ZNF503: variants seen among roughly 807,000 people sequenced by gnomAD.
ZNF503 encodes the protein zinc finger protein 503.
In ZNF503, 15 loss-of-function variants were observed where a neutral mutation model predicts 34.4. The ratio of observed to expected loss-of-function variants is 0.44; its 90% CI spans 0.29 to 0.67. The LOEUF (loss-of-function observed/expected upper bound fraction) is 0.67. Ranked by LOEUF, ZNF503 falls within the 30% of genes least tolerant of loss-of-function variation. ZNF503 has a pLI of 0.13. For synonymous variants in ZNF503, 580 were observed against 456.8 expected (o/e 1.27, Z -3.44); for missense variants, 1,007 against 926.8 (o/e 1.09, Z -1.12).
chr10:75,370,792 A>AC, the ZNF503 span, among the ~76,000 whole-genome samples: 1 of 33,840 alleles, frequency 3.0e-5, no homozygotes, highest in East Asian at 6.6e-4. Flanking sequence ...AAAAAAAAAA[A>AC]AAAAAAAAAA....
chr10:75,284,953 A>T, the ZNF503 span, among the ~76,000 whole-genome samples: 1 of 152,178 alleles, frequency 6.6e-6, no homozygotes. Flanking sequence ...CCTAACAGAT[A>T]AGTCAGGCAT....
the ZNF503 span, among the ~76,000 whole-genome samples, chr10:75,300,659 G>C: frequency 1.3e-5 from 2 of 150,894 alleles, no homozygotes; most frequent in Non-Finnish European, 2.9e-5. Flanking sequence ...TCCGTTCGGG[G>C]TCCCTGACTT....
downstream of ZNF503, among the ~76,000 whole-genome samples, chr10:75,393,433 T>C (rs1440231441): frequency 2.0e-5 from 3 of 152,234 alleles, no homozygotes; most frequent in Non-Finnish European, 4.4e-5. Context: ...GTCTTTATTA[T>C]TTCAAAATAA....
the ZNF503 span, among the ~76,000 whole-genome samples, chr10:75,291,551 C>T: frequency 6.6e-6 from 1 of 152,236 alleles, no homozygotes; most frequent in South Asian, 2.1e-4. Context: ...TTCGAGGCTG[C>T]AGTGAGCTGT....
chr10:75,369,118 CAG>C, the ZNF503 span, among the ~76,000 whole-genome samples: 15 of 152,242 alleles, frequency 9.9e-5, no homozygotes, highest in African/African-American at 2.9e-4. Context: ...AGTTGCAAAA[CAG>C]TGGGTATAGT....
At chr10:75,387,287 A>G in the ZNF503 span, among the ~76,000 whole-genome samples, 1 of 152,344 alleles carries the variant, frequency 6.6e-6, no homozygotes, top group East Asian at 1.9e-4. Context: ...GGAAGTGCAC[A>G]GGTTTTATTG....
chr10:75,359,712 G>A, the ZNF503 span, among the ~76,000 whole-genome samples: 357 of 152,360 alleles, frequency 2.3e-3, 2 homozygotes, highest in Non-Finnish European at 4.1e-3. Flanking sequence ...CCCAGCCACA[G>A]TGATCATTTC....
the ZNF503 span, among the ~76,000 whole-genome samples, chr10:75,292,446 G>A: frequency 5.9e-5 from 9 of 152,312 alleles, no homozygotes; most frequent in Admixed American, 1.3e-4. Flanking sequence ...GGGATTTGTC[G>A]TCATTTGCTC....
chr10:75,401,007 C>T (rs1479739182), intron 1 of ZNF503, 98 bp downstream of exon 1: 6 of 1,541,586 alleles, frequency 3.9e-6, no homozygotes, highest in Non-Finnish European at 5.3e-6. Context: ...CTGAATCACT[C>T]CGACCCCCCC....
At chr10:75,317,444 AT>A in the ZNF503 span, among the ~76,000 whole-genome samples, 8,235 of 140,136 alleles carry the variant, frequency 0.059, 225 homozygotes, top group Non-Finnish European at 0.082. Context: ...CACCTGGCTA[AT>A]TTTTTTTTTT....
chr10:75,401,099 C>T lies in ZNF503; in HGVS notation c.315+6G>A, dbSNP rs781762898. 3 of 1,613,724 alleles carry T rather than the reference C, an allele frequency of 1.9e-6. No homozygotes were observed. Among genetic ancestry groups the T allele is most frequent in the Admixed American group, 3.3e-5 (2 of 59,968 alleles). On this transcript the variant is annotated splice_donor_region_variant and intron_variant, in intron 1 of 1. Transcript: ENST00000372524. ...TCCCAGTGCGATCCAGAGAGAGGGT[C>T]CTTACCTCGATGGGGCTGACCGGCG... is the stretch of plus-strand genomic sequence containing the variant.
the ZNF503 span, among the ~76,000 whole-genome samples, chr10:75,380,662 C>T: frequency 6.6e-6 from 1 of 152,188 alleles, no homozygotes; most frequent in East Asian, 1.9e-4. Context: ...TATGAAACTG[C>T]TTCCTCGAGA....
chr10:75,327,267 C>T, the ZNF503 span, among the ~76,000 whole-genome samples: 85 of 151,284 alleles, frequency 5.6e-4, no homozygotes, highest in African/African-American at 2.0e-3. Context: ...CTTCCCTACC[C>T]TTAGGAATCA....
the ZNF503 span, among the ~76,000 whole-genome samples, chr10:75,288,917 C>T: frequency 1.4e-4 from 22 of 152,238 alleles, no homozygotes; most frequent in African/African-American, 3.9e-4. Flanking sequence ...AGGGACCAGG[C>T]GCTTGGTTGA....
chr10:75,303,831 C>CTTTTTTTTT, the ZNF503 span, among the ~76,000 whole-genome samples: 1 of 124,486 alleles, frequency 8.0e-6, no homozygotes. Flanking sequence ...GTGGCTAAAT[C>CTTTTTTTTT]TTTTTTTTTT....
At chr10:75,289,771 G>A in the ZNF503 span, among the ~76,000 whole-genome samples, 1 of 152,052 alleles carries the variant, frequency 6.6e-6, no homozygotes, top group Admixed American at 6.5e-5. Flanking sequence ...TCACCATGTT[G>A]ACTGGGCTAT....
At chr10:75,308,111 G>C in the ZNF503 span, among the ~76,000 whole-genome samples, 2 of 151,464 alleles carry the variant, frequency 1.3e-5, no homozygotes, top group African/African-American at 4.9e-5. Flanking sequence ...ATGCTGAAGA[G>C]AGGCAATGAT....
the ZNF503 span, among the ~76,000 whole-genome samples, chr10:75,327,442 A>G: frequency 4.6e-5 from 7 of 152,200 alleles, no homozygotes; most frequent in Non-Finnish European, 7.4e-5. Flanking sequence ...TTTTCTTTTT[A>G]TGGCTCAATA....
the ZNF503 span, among the ~76,000 whole-genome samples, chr10:75,304,593 T>G: frequency 6.6e-6 from 1 of 152,222 alleles, no homozygotes; most frequent in Non-Finnish European, 1.5e-5. Flanking sequence ...CTAAACCTGC[T>G]TATGTCAATT....
Sources: allele counts gnomAD v4.1 joint callset (sites outside exome capture counted in the v4.1 genomes callset), GRCh38; gene constraint gnomAD v4.1.1; transcripts MANE v1.5; gene names NCBI Gene and HGNC (gene_info 2026-07-23, HGNC 2026-07-21).